Variants in CABCOCO1 observed in about 807,000 individuals in gnomAD.
CABCOCO1 encodes the protein ciliary-associated calcium-binding coiled-coil protein 1.
CABCOCO1 carries 28 observed loss-of-function variants against 35.7 expected under a neutral mutation model. That is an observed-to-expected ratio of 0.78 (90% CI 0.58 to 1.07). The LOEUF (loss-of-function observed/expected upper bound fraction) is 1.07. Ranked by LOEUF, CABCOCO1 falls within the 50% of genes least tolerant of loss-of-function variation. The probability of loss-of-function intolerance (pLI) is 0.00; values close to 1 mark genes in which losing one functional copy is unlikely to be tolerated. For synonymous variants in CABCOCO1, 95 were observed against 100.1 expected, an observed-to-expected ratio of 0.95 and a Z score of 0.30; for missense variants, 326 against 309.2, an observed-to-expected ratio of 1.05 and a Z score of -0.41.
intron 5 of CABCOCO1, among the ~76,000 whole-genome samples, 194 bp from the exon 6 acceptor site, chr10:61,759,865 C>T (rs1036092234): frequency 1.3e-5 from 2 of 151,968 alleles, no homozygotes; most frequent in African/African-American, 4.8e-5. Context: ...AGTGGGAAAA[C>T]AAAGTGTTAA....
intron 5 of CABCOCO1, among the ~76,000 whole-genome samples, chr10:61,722,010 C>G (rs1841034896): frequency 6.6e-6 from 1 of 152,020 alleles, no homozygotes. Context: ...AGCCATGTGC[C>G]CATCATGACA....
At chr10:61,667,349 G>A (rs1225127343) in intron 1 of CABCOCO1, among the ~76,000 whole-genome samples, 2 of 150,282 alleles carry the variant, frequency 1.3e-5, no homozygotes, top group Admixed American at 1.3e-4. Flanking sequence ...ATATCATGTC[G>A]TTTTACATTC....
At chr10:61,687,416 A>G in intron 4 of CABCOCO1, among the ~76,000 whole-genome samples, 1 of 152,168 alleles carries the variant, frequency 6.6e-6, no homozygotes, top group East Asian at 1.9e-4. Flanking sequence ...TGCACATTGT[A>G]TTAGCATCCT....
chr10:61,706,236 T>G (rs1840589711), intron 5 of CABCOCO1, among the ~76,000 whole-genome samples: 2 of 152,220 alleles, frequency 1.3e-5, no homozygotes, highest in Admixed American at 1.3e-4. Context: ...ATGTTTCAGT[T>G]TATGTGCAGT....
rs374187795 is a variant in CABCOCO1 at position 61,727,484 on chromosome 10, A to G, written c.553-32575A>G. 1.2e-4 allele frequency among the ~76,000 whole-genome samples: 19 copies of G among 152,302 alleles called. No homozygotes were observed. In the East Asian group the frequency reaches 3.5e-3, roughly 28 times the overall value. Reference sequence around the variant, plus strand: ...AGCTCTAGAGTTCAAAGAATGTATAATCAAACCCCTTATACACAGAATTTC... The same window carrying G: ...AGCTCTAGAGTTCAAAGAATGTATAGTCAAACCCCTTATACACAGAATTTC... On this transcript the variant is annotated intron_variant, in intron 5 of 7. Coordinates refer to ENST00000648843, the MANE Select transcript of CABCOCO1 (RefSeq NM_001366906.2).
At position 61,681,285 on chromosome 10, in the gene CABCOCO1, C is replaced by T. The variant is rs1305441379; in HGVS notation, c.307C>T (p.Leu103=). Reference sequence around the variant, plus strand: ...TCAGTATTCAAAATTTATGACTTTACTAGCTATGTCACTTCAAAATCTTAA... The same window carrying T: ...TCAGTATTCAAAATTTATGACTTTATTAGCTATGTCACTTCAAAATCTTAA... The part of the protein sequence containing the change: ...IIQYSKFMTL[L]AMSLQNLKTL... The change falls in exon 3 of 8, where the codon CTA becomes TTA. Residue 103 remains leucine, a synonymous_variant. Coordinates refer to ENST00000648843, the MANE Select transcript of CABCOCO1 (RefSeq NM_001366906.2). 4.5e-6 allele frequency: 7 copies of T among 1,561,882 alleles called. No individual in the cohort carries two copies. The highest frequency in any genetic ancestry group is 1.4e-5 in the African/African-American group (1 of 72,924).
At chr10:61,718,460 A>G (rs940256949) in intron 5 of CABCOCO1, among the ~76,000 whole-genome samples, 23 of 152,196 alleles carry the variant, frequency 1.5e-4, no homozygotes, top group African/African-American at 5.3e-4. Context: ...AAGCAACCAC[A>G]GTTTGTTTTA....
chr10:61,757,983 C>A (rs1296246502), intron 5 of CABCOCO1, among the ~76,000 whole-genome samples: 1 of 152,000 alleles, frequency 6.6e-6, no homozygotes, highest in Non-Finnish European at 1.5e-5. Context: ...GAAGGCCTAG[C>A]CTGTGTATGG....
At chr10:61,670,601 T>C (rs1839325151) in intron 1 of CABCOCO1, among the ~76,000 whole-genome samples, 1 of 152,216 alleles carries the variant, frequency 6.6e-6, no homozygotes, top group African/African-American at 2.4e-5. Flanking sequence ...TTTGGTATGT[T>C]ATCTGGTAAA....
intron 5 of CABCOCO1, among the ~76,000 whole-genome samples, chr10:61,737,921 T>C (rs756550052): frequency 1.3e-5 from 2 of 152,102 alleles, no homozygotes; most frequent in African/African-American, 2.4e-5. Flanking sequence ...TGTTTACCTA[T>C]GTAACAAACC....
At chr10:61,679,880 G>C (rs1351265845) in intron 2 of CABCOCO1, among the ~76,000 whole-genome samples, 1 of 151,766 alleles carries the variant, frequency 6.6e-6, no homozygotes, top group Admixed American at 6.6e-5. Context: ...GCTCAAGGAA[G>C]AGATAAAGAA....
intron 5 of CABCOCO1, among the ~76,000 whole-genome samples, chr10:61,692,309 T>C (rs1189634171): frequency 6.6e-6 from 1 of 152,208 alleles, no homozygotes; most frequent in Non-Finnish European, 1.5e-5. Context: ...GAAGTGTCTG[T>C]TCATATCCTT....
chr10:61,664,830 C>T (rs1839116499), intron 1 of CABCOCO1, among the ~76,000 whole-genome samples: 3 of 152,184 alleles, frequency 2.0e-5, no homozygotes, highest in South Asian at 2.1e-4. Flanking sequence ...TTGGGGGTGT[C>T]GTATGTTAGA....
At chr10:61,732,313 T>G (rs1453577042) in intron 5 of CABCOCO1, among the ~76,000 whole-genome samples, 1 of 152,060 alleles carries the variant, frequency 6.6e-6, no homozygotes, top group Non-Finnish European at 1.5e-5. Flanking sequence ...TTTAGAGAAC[T>G]CCTTTGCTTT....
intron 5 of CABCOCO1, among the ~76,000 whole-genome samples, chr10:61,750,083 G>A (rs1448733453): frequency 6.6e-6 from 1 of 151,800 alleles, no homozygotes; most frequent in Non-Finnish European, 1.5e-5. Flanking sequence ...TATTGTGAGT[G>A]GGGGACCAGA....
intron 5 of CABCOCO1, among the ~76,000 whole-genome samples, chr10:61,743,746 T>C (rs1841598638): frequency 6.6e-6 from 1 of 152,184 alleles, no homozygotes; most frequent in Non-Finnish European, 1.5e-5. Flanking sequence ...TGTCTGTCTA[T>C]CTGGTATTTT....
intron 4 of CABCOCO1, among the ~76,000 whole-genome samples, chr10:61,688,129 T>A (rs1238378758): frequency 6.6e-6 from 1 of 152,164 alleles, no homozygotes; most frequent in East Asian, 1.9e-4. Flanking sequence ...CTACCCATCC[T>A]GCACATGTAC....
intron 5 of CABCOCO1, among the ~76,000 whole-genome samples, chr10:61,713,810 G>A (rs1469293230): frequency 2.6e-5 from 4 of 152,124 alleles, no homozygotes; most frequent in African/African-American, 4.8e-5. Context: ...GATGGATTAC[G>A]TTTATTGATT....
intron 5 of CABCOCO1, among the ~76,000 whole-genome samples, chr10:61,697,456 G>A (rs1840326101): frequency 6.6e-6 from 1 of 151,920 alleles, no homozygotes; most frequent in African/African-American, 2.4e-5. Context: ...TATGAATAGT[G>A]TTCCCATTTA....
Sources: allele counts gnomAD v4.1 joint callset (sites outside exome capture counted in the v4.1 genomes callset), GRCh38; gene constraint gnomAD v4.1.1; transcripts MANE v1.5; gene names NCBI Gene and HGNC (gene_info 2026-07-23, HGNC 2026-07-21).